The following USP9X variants were observed in gnomAD, a reference collection of about 807,000 sequenced individuals.
USP9X encodes the protein ubiquitin specific peptidase 9 X-linked.
Under a neutral mutation model 190.3 loss-of-function variants are expected in USP9X, and 7 were observed. The observed-to-expected ratio is 0.04, with a 90% CI of 0.02 to 0.07. The LOEUF is 0.07. Ranked by LOEUF, USP9X falls within the 10% of genes least tolerant of loss-of-function variation. The probability of loss-of-function intolerance (pLI) is 1.00; values close to 1 mark genes in which losing one functional copy is unlikely to be tolerated. For missense variants in USP9X, 1,010 were observed against 1,916.9 expected (o/e 0.53, Z 8.83); for synonymous variants, 645 against 659.5 (o/e 0.98, Z 0.34).
chrX:41,159,884 G>A (rs1439878992), intron 14 of USP9X, among the ~76,000 whole-genome samples: 1 of 110,831 alleles, frequency 9.0e-6, no homozygotes, highest in Non-Finnish European at 1.9e-5. Context: ...GGGAGAGGGT[G>A]GTTTGTACAG....
chrX:41,095,935 C>G (rs976596545), intron 1 of USP9X, among the ~76,000 whole-genome samples: 2 of 111,529 alleles, frequency 1.8e-5, no homozygotes, highest in Non-Finnish European at 3.8e-5. Flanking sequence ...ATGGGGTGCT[C>G]CCATGGTATG....
chrX:41,138,255 C>T (rs939935498), intron 6 of USP9X, among the ~76,000 whole-genome samples: 5 of 111,410 alleles, frequency 4.5e-5, no homozygotes, highest in African/African-American at 1.6e-4. Context: ...TGTTTGGCAG[C>T]ATCTTCAACC....
intron 30 of USP9X, among the ~76,000 whole-genome samples, chrX:41,199,898 A>C (rs1051510427): frequency 8.9e-6 from 1 of 111,800 alleles, no homozygotes; most frequent in South Asian, 3.7e-4. Context: ...CACCAGGCGC[A>C]TGAATAGGCT....
intron 14 of USP9X, among the ~76,000 whole-genome samples, chrX:41,155,364 G>A (rs939011275): frequency 4.5e-5 from 5 of 111,837 alleles, no homozygotes; most frequent in African/African-American, 1.6e-4. Context: ...TTTTTCATAT[G>A]CATACAATGA....
At chrX:41,185,066 C>T (rs915248638) in intron 23 of USP9X, among the ~76,000 whole-genome samples, 10 of 112,077 alleles carry the variant, frequency 8.9e-5, no homozygotes, top group Admixed American at 3.8e-4. Flanking sequence ...TATTCTGACT[C>T]GGTTTCTGCC....
chrX:41,113,426 TC>T (rs1458512685), intron 1 of USP9X, among the ~76,000 whole-genome samples: 1 of 111,088 alleles, frequency 9.0e-6, no homozygotes, highest in Non-Finnish European at 1.9e-5. Context: ...GGTCTCCAAC[TC>T]CCGATTTGTG....
At chrX:41,181,876 A>T (rs113564453) in intron 21 of USP9X, among the ~76,000 whole-genome samples, 2 of 111,560 alleles carry the variant, frequency 1.8e-5, no homozygotes, top group African/African-American at 6.5e-5. Flanking sequence ...ATCTTTTCAA[A>T]AGGCTAGAAA....
intron 26 of USP9X, 200 bp from the exon 27 acceptor site, chrX:41,196,051 G>A: frequency 2.0e-6 from 1 of 510,221 alleles, no homozygotes; most frequent in Admixed American, 2.7e-5. Flanking sequence ...TTATAGTCCT[G>A]GACATAGAGC....
chrX:41,219,603 A>G (rs1361331669), intron 38 of USP9X, among the ~76,000 whole-genome samples: 13 of 111,473 alleles, frequency 1.2e-4, no homozygotes. Context: ...TGGTTGTGAT[A>G]CTCACCAAAT....
intron 1 of USP9X, among the ~76,000 whole-genome samples, chrX:41,102,128 C>T (rs1011618941): frequency 3.6e-5 from 4 of 111,117 alleles, no homozygotes; most frequent in Admixed American, 1.9e-4. Context: ...TTTAAATGGA[C>T]GATTTGTATG....
At chrX:41,188,772 T>C (rs1234676145) in intron 25 of USP9X, among the ~76,000 whole-genome samples, 1 of 112,210 alleles carries the variant, frequency 8.9e-6, no homozygotes, top group East Asian at 2.8e-4. Flanking sequence ...ATTCAGCTTA[T>C]TAACTGAATA....
At chrX:41,157,157 G>C (rs184515042) in intron 14 of USP9X, among the ~76,000 whole-genome samples, 62 of 111,638 alleles carry the variant, frequency 5.6e-4, no homozygotes, top group African/African-American at 1.8e-3. Context: ...ACAAAGCATT[G>C]GGTGAATAAT....
In USP9X at chrX:41,170,487, T is replaced by C; in HGVS notation, c.2895T>C (p.Leu965=). The change falls in exon 20 of 45, where the codon CTT becomes CTC. Residue 965 remains leucine (L), a synonymous_variant. Coordinates refer to ENST00000378308, the MANE Select transcript of USP9X (RefSeq NM_001039591.3). ...LKDKSLITAK[L]TQISSNMPSS... ...ATTTTCAGCTTATTACAGCCAAACT[T>C]ACACAGATAAGTTCCAATATGCCTT... The C allele has an allele frequency of 8.3e-7, 1 of 1,210,923 alleles. No homozygotes were observed. The highest frequency in any genetic ancestry group is 1.1e-6 in the Non-Finnish European group (1 of 894,881).
chrX:41,117,726 C>T (rs1393566482), intron 1 of USP9X, among the ~76,000 whole-genome samples: 3 of 106,713 alleles, frequency 2.8e-5, no homozygotes, highest in Non-Finnish European at 3.9e-5. Flanking sequence ...TACAGGCGCC[C>T]GCTATTGTAT....
At chrX:41,184,930 T>C (rs1300419305) in intron 23 of USP9X, among the ~76,000 whole-genome samples, 1 of 112,197 alleles carries the variant, frequency 8.9e-6, no homozygotes, top group African/African-American at 3.2e-5. Flanking sequence ...AAAAACTCCA[T>C]ATGAATCTCT....
intron 3 of USP9X, among the ~76,000 whole-genome samples, 196 bp downstream of exon 3, chrX:41,129,341 C>T (rs773816560): frequency 5.4e-5 from 6 of 111,895 alleles, no homozygotes; most frequent in Non-Finnish European, 1.1e-4. Flanking sequence ...GGGTTGTTTC[C>T]GAAGTAAAAT....
chrX:41,165,766 A>G lies in USP9X; in HGVS notation c.1986-106A>G, dbSNP rs2062673870. The G allele has an allele frequency of 9.8e-6, 6 of 610,243 alleles. No individual in the cohort carries two copies. In the South Asian group the frequency reaches 1.8e-4, roughly 18 times the overall value. The allele number at this position is 610,243 out of a possible 1,213,427, so 50.3% of individuals were successfully genotyped here. A position where few individuals can be genotyped will look rare whatever the true frequency, so the allele number is the denominator to read the frequency against. ...TGAAAGAATGAATATCTTTTTATCT[A>G]TAGTTAAAATATAATGGTGATAAAT... is the stretch of plus-strand genomic sequence containing the variant. On this transcript the variant is annotated intron_variant, in intron 15 of 44. Coordinates refer to ENST00000378308, the MANE Select transcript of USP9X (RefSeq NM_001039591.3).
At chrX:41,202,247 C>T (rs1038070240) in intron 31 of USP9X, among the ~76,000 whole-genome samples, 11 of 111,806 alleles carry the variant, frequency 9.8e-5, no homozygotes, top group Non-Finnish European at 1.7e-4. Flanking sequence ...AATAGTCTCA[C>T]GTAGTCTTGT....
At chrX:41,207,613 G>A (rs1414013213) in intron 32 of USP9X, among the ~76,000 whole-genome samples, 1 of 111,282 alleles carries the variant, frequency 9.0e-6, no homozygotes, top group Admixed American at 9.6e-5. Context: ...AACTCTTACT[G>A]TGTATGAAAA....
Sources: gnomAD v4.1 joint callset for allele counts (sites outside exome capture counted in the v4.1 genomes callset) on GRCh38, gnomAD v4.1.1 for gene constraint, MANE v1.5 for transcripts, NCBI Gene and HGNC (gene_info 2026-07-23, HGNC 2026-07-21) for gene names.